Variants in STAU2 observed in about 807,000 individuals in gnomAD.
STAU2 encodes the protein double-stranded RNA-binding protein Staufen homolog 2.
STAU2 carries 20 observed loss-of-function variants against 65.9 expected under a neutral mutation model. The ratio of observed to expected loss-of-function variants is 0.30; its 90% confidence interval spans 0.21 to 0.44. The LOEUF (loss-of-function observed/expected upper bound fraction) is 0.44. Ranked by LOEUF, STAU2 falls within the 20% of genes least tolerant of loss-of-function variation. The probability of loss-of-function intolerance (pLI) is 1.00; values close to 1 mark genes in which losing one functional copy is unlikely to be tolerated. For missense variants in STAU2, 558 were observed against 683.9 expected (o/e 0.82, Z 2.05); for synonymous variants, 232 against 233.9 (o/e 0.99, Z 0.07).
At chr8:73,504,626 C>T (rs772325139) in intron 13 of STAU2, among the ~76,000 whole-genome samples, 1 of 151,836 alleles carries the variant, frequency 6.6e-6, no homozygotes, top group African/African-American at 2.4e-5. Context: ...ACTTTTGCCA[C>T]CTAGTGGGGG....
At chr8:73,452,207 A>G (rs924656851) in intron 13 of STAU2, among the ~76,000 whole-genome samples, 7 of 152,060 alleles carry the variant, frequency 4.6e-5, no homozygotes, top group Non-Finnish European at 1.0e-4. Flanking sequence ...GCTCCCTCCA[A>G]TTATCCACTG....
At chr8:73,697,485 G>C (rs1416510329) in intron 4 of STAU2, 1 of 152,092 alleles carries the variant, frequency 6.6e-6, no homozygotes, top group Non-Finnish European at 1.5e-5. Context: ...TCATCTGAAG[G>C]TACAAAATGC....
chr8:73,686,409 G>T (rs2130501433), intron 5 of STAU2, among the ~76,000 whole-genome samples: 1 of 152,204 alleles, frequency 6.6e-6, no homozygotes, highest in East Asian at 1.9e-4. Flanking sequence ...AATTAGTCAG[G>T]CGTGGTGGCA....
chr8:73,588,720 AAGAT>A (rs980392541), intron 11 of STAU2, among the ~76,000 whole-genome samples: 88 of 152,360 alleles, frequency 5.8e-4, no homozygotes, highest in African/African-American at 2.0e-3. Flanking sequence ...GGGAAAAAAA[AAGAT>A]AGAAAACCTA....
chr8:73,527,774 CTT>C (rs1056356317), intron 13 of STAU2: 11 of 1,536,576 alleles, frequency 7.2e-6, no homozygotes, highest in African/African-American at 1.4e-5. Flanking sequence ...GTCACACACT[CTT>C]TGCCACTTTG....
intron 6 of STAU2, among the ~76,000 whole-genome samples, chr8:73,629,588 T>G (rs1174000117): frequency 1.3e-5 from 2 of 152,196 alleles, no homozygotes; most frequent in African/African-American, 2.4e-5. Context: ...CACATGGAGA[T>G]CTCCTGTCAG....
chr8:73,495,084 G>T (rs914684143), intron 13 of STAU2, among the ~76,000 whole-genome samples: 1 of 151,420 alleles, frequency 6.6e-6, no homozygotes, highest in Admixed American at 6.6e-5. Flanking sequence ...ATAAAGATGG[G>T]AGTTTTTAAT....
intron 10 of STAU2, 105 bp from the exon 11 acceptor site, chr8:73,595,402 A>G (rs1811109736): frequency 1.8e-6 from 2 of 1,096,726 alleles, no homozygotes; most frequent in South Asian, 2.1e-5. Flanking sequence ...TTGAAAACAT[A>G]AAGTTCAGTC....
At chr8:73,726,279 G>T (rs1276046562) in intron 3 of STAU2, among the ~76,000 whole-genome samples, 1 of 152,140 alleles carries the variant, frequency 6.6e-6, no homozygotes, top group Non-Finnish European at 1.5e-5. Context: ...GGGACTTGGG[G>T]AAAGGGTGAA....
intron 3 of STAU2, among the ~76,000 whole-genome samples, chr8:73,737,210 G>T (rs1806493955): frequency 6.7e-6 from 1 of 149,104 alleles, no homozygotes; most frequent in South Asian, 2.1e-4. Flanking sequence ...CACTCTTTTT[G>T]CCCAGGGTGG....
In STAU2 at chr8:73,426,517, T is replaced by C. The variant is rs147891731; in HGVS notation, c.1531-3815A>G. Among the ~76,000 whole-genome samples, 125 of 152,336 alleles carry C rather than the reference T, an allele frequency of 8.2e-4. 1 individual carries two copies. Among genetic ancestry groups the C allele is most frequent in the African/African-American group, 2.9e-3 (121 of 41,572 alleles). On this transcript the variant is annotated intron_variant, in intron 13 of 14. Transcript: ENST00000524300. ...TCCTCTGTTCTACTTTTTACTTCTG[T>C]AAGATCAACCTTTTTAGCTTCCACA... is the stretch of plus-strand genomic sequence containing the variant.
At chr8:73,614,017 A>G in intron 8 of STAU2, 61 bp from the exon 9 acceptor site, 9 of 1,336,464 alleles carry the variant, frequency 6.7e-6, no homozygotes, top group Non-Finnish European at 9.1e-6. Flanking sequence ...TTCTTAAAGT[A>G]TGACTTAATA....
chr8:73,651,792 A>G (rs1441995953), intron 6 of STAU2, among the ~76,000 whole-genome samples: 1 of 152,222 alleles, frequency 6.6e-6, no homozygotes, highest in Non-Finnish European at 1.5e-5. Flanking sequence ...ATGCATTTTG[A>G]GGAAATGCCT....
At chr8:73,533,507 T>C (rs1056303323) in intron 13 of STAU2, among the ~76,000 whole-genome samples, 1 of 152,262 alleles carries the variant, frequency 6.6e-6, no homozygotes, top group African/African-American at 2.4e-5. Flanking sequence ...ACTATACTTT[T>C]GCATTCTGAT....
intron 5 of STAU2, among the ~76,000 whole-genome samples, chr8:73,678,629 A>G (rs1221963014): frequency 6.6e-6 from 1 of 152,208 alleles, no homozygotes; most frequent in East Asian, 1.9e-4. Context: ...TGAAAGGGAC[A>G]ATGTTTTATT....
intron 13 of STAU2, chr8:73,550,751 C>T (rs1295399849): frequency 5.1e-6 from 5 of 986,962 alleles, no homozygotes; most frequent in South Asian, 9.4e-5. Context: ...ATGACAGAGC[C>T]GATAACTGGT....
At chr8:73,497,507 G>C (rs899347589) in intron 13 of STAU2, among the ~76,000 whole-genome samples, 2 of 151,630 alleles carry the variant, frequency 1.3e-5, no homozygotes, top group African/African-American at 4.8e-5. Flanking sequence ...TAAAACAGGT[G>C]ATATAAAAGC....
intron 6 of STAU2, among the ~76,000 whole-genome samples, chr8:73,663,720 G>A (rs1817014228): frequency 6.9e-6 from 1 of 144,038 alleles, no homozygotes; most frequent in Non-Finnish European, 1.5e-5. Context: ...AAATAATAGA[G>A]TCTTCTTTAA....
intron 6 of STAU2, among the ~76,000 whole-genome samples, chr8:73,660,204 G>C (rs1816721373): frequency 6.6e-6 from 1 of 152,136 alleles, no homozygotes; most frequent in African/African-American, 2.4e-5. Context: ...GGCTGAGGTG[G>C]GCGGATCACA....
Sources: gnomAD v4.1 joint callset for allele counts (sites outside exome capture counted in the v4.1 genomes callset) on GRCh38, gnomAD v4.1.1 for gene constraint, MANE v1.5 for transcripts, NCBI Gene and HGNC (gene_info 2026-07-23, HGNC 2026-07-21) for gene names.